KIRREL3: variants seen among roughly 807,000 people sequenced by gnomAD.
KIRREL3 encodes the protein kirre like nephrin family adhesion molecule 3.
Under a neutral mutation model 89.7 loss-of-function variants are expected in KIRREL3, and 36 were observed. The observed-to-expected ratio is 0.40, with a 90% confidence interval of 0.31 to 0.53. The LOEUF (loss-of-function observed/expected upper bound fraction) is 0.53. Among genes scored for constraint, KIRREL3 ranks in the 20% least tolerant of loss-of-function variants. The pLI, the probability that KIRREL3 is intolerant of heterozygous loss-of-function variation, is 0.49. For missense variants in KIRREL3, 864 were observed against 1,056.6 expected, an observed-to-expected ratio of 0.82 and a Z score of 2.53; for synonymous variants, 445 against 441.4, an observed-to-expected ratio of 1.01 and a Z score of -0.10.
intron 1 of KIRREL3, among the ~76,000 whole-genome samples, chr11:126,873,207 C>A (rs1945165373): frequency 6.6e-6 from 1 of 151,996 alleles, no homozygotes; most frequent in African/African-American, 2.4e-5. Context: ...AAAATACCTG[C>A]AGGTATAATA....
chr11:126,959,076 C>T (rs1391260060), intron 1 of KIRREL3, among the ~76,000 whole-genome samples: 1 of 152,160 alleles, frequency 6.6e-6, no homozygotes, highest in Admixed American at 6.5e-5. Flanking sequence ...AGAGGGTACT[C>T]TTCCTATCTG....
intron 1 of KIRREL3, among the ~76,000 whole-genome samples, chr11:126,580,088 A>G (rs1591770560): frequency 6.6e-6 from 1 of 151,844 alleles, no homozygotes; most frequent in Middle Eastern, 3.2e-3. Context: ...CTCGTGATCC[A>G]CCCACCTCTG....
chr11:126,639,152 C>T lies in KIRREL3; in HGVS notation c.56-76240G>A, dbSNP rs532462245. Among the ~76,000 whole-genome samples, 6 of 152,114 alleles carry T rather than the reference C, an allele frequency of 3.9e-5. No individual in the cohort carries two copies. The highest frequency in any genetic ancestry group is 1.3e-4 in the Admixed American group (2 of 15,280). On this transcript the variant is annotated intron_variant, in intron 1 of 16. Transcript: ENST00000525144. This position sits in a 1 kb window ranked among gnomAD's most constrained non-coding sequence, Gnocchi z 4.3. ...CAAAGCCCAGTTAAGAGAAACACTT[C>T]GGTGCTAATAGATCTGGAAACTTAA...
In KIRREL3 at chr11:126,909,921, C is replaced by T. The variant is rs929696780; in HGVS notation, c.55+90534G>A. ...TAAGTTTCTCAACTCCTAATGGACC[C>T]TGTATTAACTGAAGATGACAGGGAG... On this transcript the variant is annotated intron_variant, in intron 1 of 16. Transcript: ENST00000525144. This position sits in a 1 kb window ranked among gnomAD's most constrained non-coding sequence, Gnocchi z 4.5. 2.0e-5 allele frequency among the ~76,000 whole-genome samples: 3 copies of T among 152,086 alleles called. No homozygotes were observed. Among genetic ancestry groups the T allele is most frequent in the African/African-American group, 4.8e-5 (2 of 41,410 alleles).
chr11:126,981,520 C>T lies in KIRREL3; in HGVS notation c.55+18935G>A, dbSNP rs892125262. Among the ~76,000 whole-genome samples, 1 of 152,172 alleles carries T rather than the reference C, an allele frequency of 6.6e-6. No homozygotes were observed. The highest frequency in any genetic ancestry group is 6.5e-5 in the Admixed American group (1 of 15,278). On this transcript the variant is annotated intron_variant, in intron 1 of 16. Coordinates refer to ENST00000525144, the MANE Select transcript of KIRREL3 (RefSeq NM_032531.4). The surrounding 1 kb of genome is among the most constrained non-coding windows in gnomAD (Gnocchi z 4.2). The stretch of plus-strand genomic sequence containing the variant: ...CTAAGGAAGAGCTAAACACATGGTC[C>T]CTGTTTCACTGAAATGAGATCTGCC...
Position 126,703,700 on chromosome 11 carries a change from C to T in KIRREL3, c.56-140788G>A, listed in dbSNP as rs889365300. On this transcript the variant is annotated intron_variant, in intron 1 of 16. Transcript: ENST00000525144. The surrounding 1 kb of genome is among the most constrained non-coding windows in gnomAD (Gnocchi z 4.6). ...CCCACGGGCAGGGGAGGCAGGACTC[C>T]TAAGCCTGGGCCCTCTGACTGCCTG... Among the ~76,000 whole-genome samples, 1 of 152,220 alleles carries T rather than the reference C, an allele frequency of 6.6e-6. No homozygotes were observed. The highest frequency in any genetic ancestry group is 1.5e-5 in the Non-Finnish European group (1 of 68,024).
At chr11:126,460,580 T>C (rs1176859282) in intron 6 of KIRREL3, among the ~76,000 whole-genome samples, 3 of 152,162 alleles carry the variant, frequency 2.0e-5, no homozygotes, top group African/African-American at 7.2e-5. Flanking sequence ...CAAGTGTCAC[T>C]CTGACCTCAT....
rs1943037105 is a variant in KIRREL3 at position 126,609,592 on chromosome 11, T to C, written c.56-46680A>G. Among the ~76,000 whole-genome samples, 1 of 152,128 alleles carries C rather than the reference T, an allele frequency of 6.6e-6. No homozygotes were observed. Among genetic ancestry groups the C allele is most frequent in the Non-Finnish European group, 1.5e-5 (1 of 68,034 alleles). The stretch of plus-strand genomic sequence containing the variant: ...CCTTGCACTAAGCTCAGCTCCTTTC[T>C]GGGGGGACCTCCGATGCATGCTCAC... On this transcript the variant is annotated intron_variant, in intron 1 of 16. Coordinates refer to ENST00000525144, the MANE Select transcript of KIRREL3 (RefSeq NM_032531.4). The surrounding 1 kb of genome is among the most constrained non-coding windows in gnomAD (Gnocchi z 5.0).
Position 127,000,594 on chromosome 11 carries a change from C to T in KIRREL3, c.-85G>A, listed in dbSNP as rs375633600. 1.2e-5 allele frequency: 17 copies of T among 1,437,522 alleles called. No homozygotes were observed. The highest frequency in any genetic ancestry group is 1.8e-4 in the Middle Eastern group (1 of 5,500). 89.0% of individuals were successfully genotyped at this position (1,437,522 alleles called of 1,614,324 possible). On this transcript the variant is annotated 5_prime_UTR_variant, in exon 1 of 17. Transcript: ENST00000525144. This position sits in a 1 kb window ranked among gnomAD's most constrained non-coding sequence, Gnocchi z 7.1. Reference sequence around the variant, plus strand: ...TTGGCGGCTCTCGGTGCTCAGCCTCCGCCGGTCCTCTCGGGTTCGCGCCTA... The same window carrying T: ...TTGGCGGCTCTCGGTGCTCAGCCTCTGCCGGTCCTCTCGGGTTCGCGCCTA...
intron 1 of KIRREL3, among the ~76,000 whole-genome samples, chr11:126,602,658 C>T (rs939734110): frequency 5.3e-5 from 8 of 152,144 alleles, no homozygotes; most frequent in Middle Eastern, 3.2e-3. Context: ...CATGTGGCCC[C>T]GTGGTTGAAG....
In KIRREL3 at chr11:126,739,107, A is replaced by G. The variant is rs1948897781; in HGVS notation, c.56-176195T>C. On this transcript the variant is annotated intron_variant, in intron 1 of 16. Transcript: ENST00000525144. The surrounding 1 kb of genome is among the most constrained non-coding windows in gnomAD (Gnocchi z 5.5). Reference sequence around the variant, plus strand: ...CCAAGTAACTTGCTCAAGGCCACACAGCTAGAAATTAGCAGGATGGAAACT... The same window carrying G: ...CCAAGTAACTTGCTCAAGGCCACACGGCTAGAAATTAGCAGGATGGAAACT... 1.3e-5 allele frequency among the ~76,000 whole-genome samples: 2 copies of G among 152,256 alleles called. No individual in the cohort carries two copies. Among genetic ancestry groups the G allele is most frequent in the African/African-American group, 4.8e-5 (2 of 41,470 alleles).
At chr11:126,464,754 C>A (rs137911810) in intron 5 of KIRREL3, among the ~76,000 whole-genome samples, 33 of 152,220 alleles carry the variant, frequency 2.2e-4, no homozygotes, top group African/African-American at 7.7e-4. Context: ...TCCCCTGGAG[C>A]CTTTGGAGGG....
chr11:126,747,553 G>A lies in KIRREL3; in HGVS notation c.56-184641C>T, dbSNP rs1014764828. Among the ~76,000 whole-genome samples the A allele has an allele frequency of 6.6e-6, 1 of 152,074 alleles. No individual in the cohort carries two copies. Among genetic ancestry groups the A allele is most frequent in the Admixed American group, 6.5e-5 (1 of 15,268 alleles). On this transcript the variant is annotated intron_variant, in intron 1 of 16. Coordinates refer to ENST00000525144, the MANE Select transcript of KIRREL3 (RefSeq NM_032531.4). The surrounding 1 kb of genome is among the most constrained non-coding windows in gnomAD (Gnocchi z 4.7). ...TCACATGTTCCCTCTCTGCAAAGCAGTGCTCTCTGTGGTCGTGGCTGTGCT... is the reference window on the plus strand; with the variant it reads ...TCACATGTTCCCTCTCTGCAAAGCAATGCTCTCTGTGGTCGTGGCTGTGCT...
Position 126,906,899 on chromosome 11 carries a change from T to C in KIRREL3, c.55+93556A>G, listed in dbSNP as rs772720353. Among the ~76,000 whole-genome samples, 1 of 152,200 alleles carries C rather than the reference T, an allele frequency of 6.6e-6. No homozygotes were observed. The highest frequency in any genetic ancestry group is 1.5e-5 in the Non-Finnish European group (1 of 68,034). On this transcript the variant is annotated intron_variant, in intron 1 of 16. Transcript: ENST00000525144. The surrounding 1 kb of genome is among the most constrained non-coding windows in gnomAD (Gnocchi z 4.1). ...CTGAGCCCTACATTTTCTTTTTCTG[T>C]GTAATTCCATTTGATAAAGAAAAAG... is the stretch of plus-strand genomic sequence containing the variant.
intron 4 of KIRREL3, among the ~76,000 whole-genome samples, chr11:126,514,188 G>A (rs1958327917): frequency 6.6e-6 from 1 of 152,134 alleles, no homozygotes; most frequent in Non-Finnish European, 1.5e-5. Flanking sequence ...GGAACCTCAG[G>A]AGATAAGGAT....
chr11:126,505,015 T>C (rs1591646325), intron 4 of KIRREL3, among the ~76,000 whole-genome samples: 1 of 148,320 alleles, frequency 6.7e-6, no homozygotes, highest in African/African-American at 2.6e-5. Flanking sequence ...CAACCTGATA[T>C]AGGTCACCAG....
At chr11:126,720,250 G>C (rs542497639) in intron 1 of KIRREL3, among the ~76,000 whole-genome samples, 22 of 152,222 alleles carry the variant, frequency 1.4e-4, no homozygotes, top group Non-Finnish European at 2.8e-4. Flanking sequence ...GCTCAAAATA[G>C]TAGGTGCCAA....
chr11:126,735,585 G>A (rs533546055), intron 1 of KIRREL3, among the ~76,000 whole-genome samples: 1 of 152,216 alleles, frequency 6.6e-6, no homozygotes, highest in African/African-American at 2.4e-5. Context: ...GGGCTTATTG[G>A]AGAAGGTGGC....
chr11:126,681,420 G>A (rs1946446783), intron 1 of KIRREL3, among the ~76,000 whole-genome samples: 1 of 152,208 alleles, frequency 6.6e-6, no homozygotes, highest in African/African-American at 2.4e-5. Context: ...CGAAGCTTGA[G>A]GTAGGTGGGC....
Sources: gnomAD v4.1 joint callset for allele counts (sites outside exome capture counted in the v4.1 genomes callset) on GRCh38, gnomAD v4.1.1 for gene constraint, Gnocchi (gnomAD v3.1) non-coding constraint, MANE v1.5 for transcripts, NCBI Gene and HGNC (gene_info 2026-07-23, HGNC 2026-07-21) for gene names.